Variants in LYPD8 observed in about 807,000 individuals in gnomAD.
The protein encoded by LYPD8 is ly6/PLAUR domain-containing protein 8.
Under a neutral mutation model 1.7 loss-of-function variants are expected in LYPD8, and 8 were observed. That is an observed-to-expected ratio of 4.58 (90% CI 2.69 to 8.27). LYPD8 has a LOEUF of 8.27. Ranked by LOEUF, LYPD8 falls within the 30% of genes most tolerant of loss-of-function variation. The pLI, the probability that LYPD8 is intolerant of heterozygous loss-of-function variation, is 0.00. For synonymous variants in LYPD8, 50 were observed against 43.6 expected, an observed-to-expected ratio of 1.15 and a Z score of -0.58; for missense variants, 112 against 102.3, an observed-to-expected ratio of 1.09 and a Z score of -0.41.
intron 6 of LYPD8, among the ~76,000 whole-genome samples, chr1:248,741,074 C>G (rs530131323): frequency 1.2e-4 from 19 of 152,306 alleles, no homozygotes; most frequent in Non-Finnish European, 2.4e-4. Flanking sequence ...TGATCGCACC[C>G]CTGCATTCCG....
intron 6 of LYPD8, among the ~76,000 whole-genome samples, chr1:248,741,933 T>C (rs1662607232): frequency 6.6e-6 from 1 of 152,148 alleles, no homozygotes; most frequent in Non-Finnish European, 1.5e-5. Flanking sequence ...AGATCAGTGG[T>C]TGTCAGAGCT....
rs1056000481 is a variant in LYPD8 at position 248,751,499 on chromosome 1, C to G, written c.-49-369G>C. ...CCTCCCCTCCCCCAGAGCACAATGT[C>G]CCTCCTTCAGCCAGTCTCTCACTGC... On this transcript the variant is annotated intron_variant, in intron 2 of 6. Transcript: ENST00000590317. Among the ~76,000 whole-genome samples the G allele has an allele frequency of 7.5e-4, 114 of 152,214 alleles. 2 individuals are homozygous for G. The highest frequency in any genetic ancestry group is 2.5e-3 in the African/African-American group (104 of 41,512).
intron 2 of LYPD8, among the ~76,000 whole-genome samples, chr1:248,753,128 AACAC>A (rs1230818336): frequency 2.2e-5 from 2 of 92,498 alleles, no homozygotes; most frequent in Non-Finnish European, 4.5e-5. Flanking sequence ...CACACAACAC[AACAC>A]ACACACCCCA....
chr1:248,748,811 C>T (rs1662753341), intron 4 of LYPD8, among the ~76,000 whole-genome samples: 2 of 152,216 alleles, frequency 1.3e-5, no homozygotes, highest in Non-Finnish European at 2.9e-5. Context: ...ATGACATCCA[C>T]AGTTCCTGCC....
At chr1:248,746,173 T>C (rs1662723664) in intron 5 of LYPD8, among the ~76,000 whole-genome samples, 1 of 152,214 alleles carries the variant, frequency 6.6e-6, no homozygotes, top group Non-Finnish European at 1.5e-5. Context: ...TTTGTAAATA[T>C]TATTAGCTTT....
intron 6 of LYPD8, among the ~76,000 whole-genome samples, chr1:248,741,531 A>G (rs1174982997): frequency 1.3e-5 from 2 of 152,186 alleles, no homozygotes; most frequent in African/African-American, 4.8e-5. Context: ...AGAGTGAGTT[A>G]AGGAGGTGTG....
At chr1:248,750,373 C>T (rs994949483) in intron 4 of LYPD8, among the ~76,000 whole-genome samples, 151 bp downstream of exon 4, 2 of 152,270 alleles carry the variant, frequency 1.3e-5, no homozygotes, top group African/African-American at 4.8e-5. Flanking sequence ...CTCAGCCAAG[C>T]GTTGTTTCTC....
intron 2 of LYPD8, among the ~76,000 whole-genome samples, chr1:248,752,876 C>A (rs1159651456): frequency 5.1e-5 from 5 of 98,766 alleles, no homozygotes; most frequent in Admixed American, 9.7e-5. Flanking sequence ...CACCACACAC[C>A]CCACACAACA....
chr1:248,755,035 A>C (rs1258229392), intron 2 of LYPD8, among the ~76,000 whole-genome samples: 3 of 152,156 alleles, frequency 2.0e-5, no homozygotes, highest in African/African-American at 7.2e-5. Context: ...TGCACAGATC[A>C]CCTCAGCCTA....
intron 6 of LYPD8, among the ~76,000 whole-genome samples, chr1:248,741,301 G>A (rs1032877560): frequency 2.0e-5 from 3 of 152,186 alleles, no homozygotes; most frequent in Non-Finnish European, 4.4e-5. Flanking sequence ...CTGTCCCCCA[G>A]GTTCAAGTGA....
At chr1:248,746,317 A>G (rs1185108053) in intron 5 of LYPD8, among the ~76,000 whole-genome samples, 1 of 152,200 alleles carries the variant, frequency 6.6e-6, no homozygotes, top group Non-Finnish European at 1.5e-5. Context: ...ACTGACCGGA[A>G]CTAAAGTCCC....
chr1:248,743,230 C>T (rs946096925), intron 6 of LYPD8, among the ~76,000 whole-genome samples: 11 of 152,108 alleles, frequency 7.2e-5, no homozygotes, highest in Non-Finnish European at 1.6e-4. Flanking sequence ...CTTCGGAGAC[C>T]GAGGCGGGCG....
At chr1:248,751,992 C>A (rs1396902908) in intron 2 of LYPD8, among the ~76,000 whole-genome samples, 4 of 152,122 alleles carry the variant, frequency 2.6e-5, no homozygotes, top group Non-Finnish European at 5.9e-5. Flanking sequence ...TTCCAGAATT[C>A]CAACTTGCTT....
At chr1:248,753,042 A>AACACATACACACCACATCACACACACC in intron 2 of LYPD8, among the ~76,000 whole-genome samples, 1 of 88,078 alleles carries the variant, frequency 1.1e-5, no homozygotes, top group African/African-American at 5.1e-5. Context: ...CACACCACAC[A>AACACATACACACCACATCACACACACC]CACATCACAC....
chr1:248,752,654 A>ACAC (rs1662822264), intron 2 of LYPD8, among the ~76,000 whole-genome samples: 1 of 14,058 alleles, frequency 7.1e-5, no homozygotes, highest in African/African-American at 1.3e-4. Flanking sequence ...AACACACAAC[A>ACAC]CACACCACAC....
intron 6 of LYPD8, among the ~76,000 whole-genome samples, chr1:248,740,421 G>A (rs915791351): frequency 4.6e-5 from 7 of 152,230 alleles, no homozygotes; most frequent in Admixed American, 4.6e-4. Context: ...ATGTTTAATC[G>A]TGTTTTGAGA....
At position 248,748,313 on chromosome 1, in the gene LYPD8, A is replaced by T; in HGVS notation, c.313T>A (p.Cys105Ser). 1 of 471,602 alleles carries T rather than the reference A, an allele frequency of 2.1e-6. No individual in the cohort carries two copies. Among genetic ancestry groups the T allele is most frequent in the Non-Finnish European group, 3.7e-6 (1 of 270,170 alleles). The allele number at this position is 471,602 out of a possible 1,614,324, so 29.2% of individuals were successfully genotyped here. A position where few individuals can be genotyped will look rare whatever the true frequency, so the allele number is the denominator to read the frequency against. ...FVSQCCQGKE[C>S]SNTSDALDPP... ...CCCAGGGCATCGCTGGTGTTGCTGC[A>T]TTCCTTTCCTTGGCAGCACTGGCTT... The change falls in exon 5 of 7, where the codon TGC (cysteine) becomes AGC (serine). Residue 105 changes from cysteine (C) to serine (S), a missense_variant. Transcript: ENST00000590317.
intron 2 of LYPD8, among the ~76,000 whole-genome samples, chr1:248,751,728 T>G (rs1356616986): frequency 6.6e-6 from 1 of 152,186 alleles, no homozygotes; most frequent in Non-Finnish European, 1.5e-5. Context: ...GTCAAGGTCT[T>G]ACTTCTGGGA....
Position 248,739,765 on chromosome 1 carries a change from G to C in LYPD8, c.560C>G (p.Thr187Ser). The C allele has an allele frequency of 6.4e-7, 1 of 1,551,754 alleles. No homozygotes were observed. The highest frequency in any genetic ancestry group is 8.7e-7 in the Non-Finnish European group (1 of 1,147,000). ...CTTTCGAAAGATGACTCCTCCAAGA[G>C]TCTTGTTTTCACCAGACAGGAACTG... ...TCQFLSGENK[T>S]LGGVIFRKFE... The change falls in exon 7 of 7, where the codon ACT (threonine) becomes AGT (serine). Residue 187 changes from threonine to serine, a missense_variant. Physicochemically the swap from Thr to Ser is moderately conservative, Grantham distance 58 (BLOSUM62 1). Transcript: ENST00000590317. This position sits in a 1 kb window ranked among gnomAD's most constrained non-coding sequence, Gnocchi z 4.3.
Sources: allele counts gnomAD v4.1 joint callset (sites outside exome capture counted in the v4.1 genomes callset), GRCh38; gene constraint gnomAD v4.1.1; non-coding constraint Gnocchi (gnomAD v3.1); transcripts MANE v1.5; gene names NCBI Gene and HGNC (gene_info 2026-07-23, HGNC 2026-07-21).